The following SF3B3 variants were observed in gnomAD, a reference collection of about 807,000 sequenced individuals.
SF3B3 encodes the protein SAP 130.
Under a neutral mutation model 139.2 loss-of-function variants are expected in SF3B3, and 33 were observed. The ratio of observed to expected loss-of-function variants is 0.24; its 90% CI spans 0.18 to 0.32. SF3B3 has a LOEUF of 0.32. Ranked by LOEUF, SF3B3 falls within the 10% of genes least tolerant of loss-of-function variation. SF3B3 has a pLI of 1.00. For synonymous variants in SF3B3, 596 were observed against 563.6 expected (o/e 1.06, Z -0.81); for missense variants, 818 against 1,509.4 (o/e 0.54, Z 7.59).
Position 70,528,285 on chromosome 16 carries a change from C to G in SF3B3, c.71-588C>G, listed in dbSNP as rs2050084949. 2.7e-5 allele frequency among the ~76,000 whole-genome samples: 4 copies of G among 150,774 alleles called. No individual in the cohort carries two copies. In the South Asian group the frequency reaches 8.4e-4, roughly 32 times the overall value. ...GTTCAAGCGATTCTCCTGTGTCAGC[C>G]TCTGGAGTAGCTGGGATTATAGGCA... On this transcript the variant is annotated intron_variant, in intron 2 of 25. Transcript: ENST00000302516.
Position 70,554,558 on chromosome 16 carries a change from C to G in SF3B3, c.1515C>G (p.Thr505=). 6.2e-7 allele frequency: 1 copy of G among 1,614,192 alleles called. No homozygotes were observed. The highest frequency in any genetic ancestry group is 8.5e-7 in the Non-Finnish European group (1 of 1,180,024). The change falls in exon 12 of 26, where the codon ACC becomes ACG. Residue 505 remains threonine (T), a synonymous_variant. Transcript: ENST00000302516. Reference sequence around the variant, plus strand: ...CTGGGTTCCTGGGGACCACCCCGACCTTGTCCTGCTCCTTATTAGGAGATG... The same window carrying G: ...CTGGGTTCCTGGGGACCACCCCGACGTTGTCCTGCTCCTTATTAGGAGATG... ...TDSGFLGTTP[T]LSCSLLGDDA...
chr16:70,527,013 G>A (rs1460923012), intron 2 of SF3B3: 1 of 397,520 alleles, frequency 2.5e-6, no homozygotes, highest in African/African-American at 2.1e-5. Context: ...ATACTGAGAT[G>A]TGTAAGACCT....
rs909445858 is a variant in SF3B3 at position 70,568,957 on chromosome 16, G to T, written c.3166-86G>T. The T allele has an allele frequency of 7.5e-6, 7 of 927,264 alleles. No individual in the cohort carries two copies. The East Asian group carries it at 1.6e-4, about 21-fold the overall frequency. The allele number at this position is 927,264 out of a possible 1,614,324, so 57.4% of individuals were successfully genotyped here. ...TAGGCAGTGCCCCTGTGGCTGACTT[G>T]CAAAGACCTGGCCAGACCTGTTGCT... On this transcript the variant is annotated intron_variant, in intron 22 of 25. Transcript: ENST00000302516.
rs2050400155 is a variant in SF3B3, at chr16:70,558,633, G to T, written c.2010+1604G>T. On this transcript the variant is annotated intron_variant, in intron 15 of 25. Transcript: ENST00000302516. ...CTTCCTTGACACAGAGTCTTGCTCT[G>T]TTGCCCAGGCTGGAGTGCAGTGGTG... Among the ~76,000 whole-genome samples, 3 of 152,028 alleles carry T rather than the reference G, an allele frequency of 2.0e-5. No individual in the cohort carries two copies. The South Asian group carries it at 6.2e-4, about 32-fold the overall frequency.
At chr16:70,548,256 A>T in intron 10 of SF3B3, 114 bp from the exon 11 acceptor site, 1 of 826,898 alleles carries the variant, frequency 1.2e-6, no homozygotes. Flanking sequence ...TCATCCTTTA[A>T]ATACAGCATA....
chr16:70,542,632 G>T (rs1472161609), intron 9 of SF3B3, among the ~76,000 whole-genome samples: 1 of 152,146 alleles, frequency 6.6e-6, no homozygotes, highest in Non-Finnish European at 1.5e-5. Context: ...AAACCCATCT[G>T]AAATTAATTG....
At chr16:70,538,128 C>T in intron 6 of SF3B3, 195 bp from the exon 7 acceptor site, 1 of 723,954 alleles carries the variant, frequency 1.4e-6, no homozygotes, top group Non-Finnish European at 2.5e-6. Context: ...TTTTGGTTAC[C>T]CAGATTTTAT....
intron 22 of SF3B3, 119 bp from the exon 23 acceptor site, chr16:70,568,917 GCTCAGGC>G: frequency 3.2e-6 from 2 of 629,228 alleles, no homozygotes; most frequent in Non-Finnish European, 5.6e-6. Context: ...GGACACGTGG[GCTCAGGC>G]CTCTGTCTAG....
At position 70,569,041 on chromosome 16, in the gene SF3B3, A is replaced by G; in HGVS notation, c.3166-2A>G. 6.2e-7 allele frequency: 1 copy of G among 1,603,890 alleles called. No individual in the cohort carries two copies. The highest frequency in any genetic ancestry group is 8.5e-7 in the Non-Finnish European group (1 of 1,174,392). On this transcript the variant is annotated splice_acceptor_variant, in intron 22 of 25. Transcript: ENST00000302516. LOFTEE classifies it high-confidence loss of function. ...AGTGTGACTTGTGTCACTTCCTTGT[A>G]GGTGAGGCTCCCACCTAACACCAAT...
At chr16:70,546,295 A>G (rs1258472171) in intron 10 of SF3B3, among the ~76,000 whole-genome samples, 1 of 152,120 alleles carries the variant, frequency 6.6e-6, no homozygotes, top group African/African-American at 2.4e-5. Context: ...TTGATTCGTT[A>G]GTTACTTATT....
chr16:70,530,438 G>A (rs1018920768), intron 3 of SF3B3, among the ~76,000 whole-genome samples: 1 of 151,220 alleles, frequency 6.6e-6, no homozygotes, highest in Admixed American at 6.6e-5. Context: ...TCCTGCCCCA[G>A]CCTCCCAAGT....
chr16:70,558,854 C>T (rs2050402282), intron 15 of SF3B3, among the ~76,000 whole-genome samples: 2 of 152,204 alleles, frequency 1.3e-5, no homozygotes, highest in African/African-American at 2.4e-5. Context: ...GCCTTGGCCT[C>T]CCAAAGGGCT....
chr16:70,569,308 T>C (rs187147738), intron 23 of SF3B3, among the ~76,000 whole-genome samples, 167 bp downstream of exon 23: 4 of 152,142 alleles, frequency 2.6e-5, no homozygotes, highest in African/African-American at 9.7e-5. Context: ...CCTTGGAGAG[T>C]AGCGAGTTTC....
At chr16:70,566,424 T>C (rs2050477525) in intron 20 of SF3B3, among the ~76,000 whole-genome samples, 2 of 151,722 alleles carry the variant, frequency 1.3e-5, no homozygotes, top group African/African-American at 2.4e-5. Flanking sequence ...CAGCCAAGCA[T>C]GGTGGTGGGC....
At chr16:70,526,817 G>A in intron 2 of SF3B3, 91 bp downstream of exon 2, 1 of 897,770 alleles carries the variant, frequency 1.1e-6, no homozygotes, top group Non-Finnish European at 1.8e-6. Flanking sequence ...TTCCATTTAT[G>A]ACAAAACAGT....
intron 15 of SF3B3, among the ~76,000 whole-genome samples, chr16:70,559,116 A>G (rs1455138204): frequency 6.6e-6 from 1 of 152,168 alleles, no homozygotes; most frequent in Non-Finnish European, 1.5e-5. Context: ...TATCTGTGTT[A>G]AAGTTCCCGT....
At position 70,530,985 on chromosome 16, in the gene SF3B3, C is replaced by T. The variant is rs537920187; in HGVS notation, c.570+68C>T. 10 of 1,458,186 alleles carry T rather than the reference C, an allele frequency of 6.9e-6. No homozygotes were observed. The Middle Eastern group carries it at 5.6e-4, about 82-fold the overall frequency. The allele number at this position is 1,458,186 out of a possible 1,614,324, so 90.3% of individuals were successfully genotyped here. The stretch of plus-strand genomic sequence containing the variant: ...AGTGTTTTTTTTTAAGATTGTTTTC[C>T]GGCCGGGCGTGGTGGCTCACGCCTG... On this transcript the variant is annotated intron_variant, in intron 4 of 25. Coordinates refer to ENST00000302516, the MANE Select transcript of SF3B3 (RefSeq NM_012426.5).
chr16:70,538,004 A>C (rs2050184204), intron 6 of SF3B3: 1 of 550,164 alleles, frequency 1.8e-6, no homozygotes, highest in East Asian at 4.7e-5. Context: ...GCAGTGTTTC[A>C]CAGCCTGAAA....
intron 18 of SF3B3, 105 bp from the exon 19 acceptor site, chr16:70,564,960 T>G (rs911782784): frequency 5.9e-6 from 6 of 1,014,794 alleles, no homozygotes; most frequent in Non-Finnish European, 7.7e-6. Flanking sequence ...ACTTTGCTGC[T>G]TTATGTATTG....
Sources: gnomAD v4.1 joint callset for allele counts (sites outside exome capture counted in the v4.1 genomes callset) on GRCh38, gnomAD v4.1.1 for gene constraint, MANE v1.5 for transcripts, NCBI Gene and HGNC (gene_info 2026-07-23, HGNC 2026-07-21) for gene names.